The following WDR53 variants were observed in gnomAD, a reference collection of about 807,000 sequenced individuals.
The protein encoded by WDR53 is WD repeat domain 53, also known as WD repeat-containing protein 53.
WDR53 carries 19 observed loss-of-function variants against 21.3 expected under a neutral mutation model. The observed-to-expected ratio is 0.89, with a 90% CI of 0.62 to 1.31. The LOEUF (loss-of-function observed/expected upper bound fraction) is 1.31. Ranked by LOEUF, WDR53 falls within the 50% of genes most tolerant of loss-of-function variation. The probability of loss-of-function intolerance (pLI) is 0.00; values close to 1 mark genes in which losing one functional copy is unlikely to be tolerated. For synonymous variants in WDR53, 157 were observed against 163.4 expected, an observed-to-expected ratio of 0.96 and a Z score of 0.30; for missense variants, 374 against 423.2, an observed-to-expected ratio of 0.88 and a Z score of 1.02.
intron 2 of WDR53, among the ~76,000 whole-genome samples, chr3:196,563,472 G>C (rs978361686): frequency 6.6e-6 from 1 of 152,138 alleles, no homozygotes; most frequent in African/African-American, 2.4e-5. Context: ...GAGCTGTTGT[G>C]CTATTTTCAG....
In WDR53 at chr3:196,561,422, T is replaced by C; in HGVS notation, c.54A>G (p.Ala18=). 6.2e-7 allele frequency: 1 copy of C among 1,614,056 alleles called. No individual in the cohort carries two copies. The highest frequency in any genetic ancestry group is 8.5e-7 in the Non-Finnish European group (1 of 1,180,006). Residue 18 remains alanine (A), a synonymous_variant, in exon 3 of 4, where the codon GCA becomes GCG. Transcript: ENST00000332629. ...GHSSPVLCLN[A]SKEGLLASGA... ...CAGAAGCCAGCAGCCCTTCTTTACT[T>C]GCATTCAGGCAGAGGACAGGAGAAG...
intron 2 of WDR53, among the ~76,000 whole-genome samples, chr3:196,562,516 C>T (rs7621684): frequency 0.4 from 60,391 of 151,842 alleles, 12,500 homozygotes; most frequent in Middle Eastern, 0.5. Context: ...CCCACCTTGG[C>T]CTCCCAAAGT....
Position 196,560,982 on chromosome 3 carries a change from T to C in WDR53, c.480+14A>G. On this transcript the variant is annotated intron_variant, in intron 3 of 3. Transcript: ENST00000332629. ...ACTTAGAAATTCCCCAAGTACTCTGTGCAAAAGCATCACCTGCATATCCAG... is the reference window on the plus strand; with the variant it reads ...ACTTAGAAATTCCCCAAGTACTCTGCGCAAAAGCATCACCTGCATATCCAG... The C allele has an allele frequency of 6.2e-7, 1 of 1,602,656 alleles. No individual in the cohort carries two copies. Among genetic ancestry groups the C allele is most frequent in the Non-Finnish European group, 8.5e-7 (1 of 1,174,234 alleles).
At chr3:196,563,305 G>A (rs1176927628) in intron 2 of WDR53, among the ~76,000 whole-genome samples, 1 of 152,132 alleles carries the variant, frequency 6.6e-6, no homozygotes, top group African/African-American at 2.4e-5. Flanking sequence ...ATACCGGCCT[G>A]CCGTGCCCGC....
At chr3:196,560,947 A>G (rs775864276) in intron 3 of WDR53, 49 bp downstream of exon 3, 4 of 1,552,066 alleles carry the variant, frequency 2.6e-6, no homozygotes, top group Non-Finnish European at 3.5e-6. Context: ...TGATCCTGTT[A>G]GCAAATCCCA....
At chr3:196,564,494 G>T (rs751098927) in intron 2 of WDR53, among the ~76,000 whole-genome samples, 1 of 150,206 alleles carries the variant, frequency 6.7e-6, no homozygotes, top group Non-Finnish European at 1.5e-5. Context: ...TGAGTAGCTG[G>T]AACTACAGGC....
In WDR53 at chr3:196,561,196, C is replaced by T; in HGVS notation, c.280G>A (p.Glu94Lys). 4 of 1,614,224 alleles carry T rather than the reference C, an allele frequency of 2.5e-6. No individual in the cohort carries two copies. Among genetic ancestry groups the T allele is most frequent in the Non-Finnish European group, 3.4e-6 (4 of 1,180,042 alleles). ...AATGAAAGACAATTGATTTCTTCTT[C>T]ATTCACATGAAAATGGTCCAAGGAA... ...KDSLDHFHVN[E>K]EEINCLSLNQ... Residue 94 changes from glutamate (E) to lysine (K), a missense_variant, in exon 3 of 4, where the codon GAA becomes AAA. Glu to Lys is a moderately conservative substitution (Grantham distance 56). Coordinates refer to ENST00000332629, the MANE Select transcript of WDR53 (RefSeq NM_182627.3).
chr3:196,558,177 T>C (rs1734512017), intron 3 of WDR53, among the ~76,000 whole-genome samples: 1 of 152,082 alleles, frequency 6.6e-6, no homozygotes, highest in African/African-American at 2.4e-5. Context: ...CACTTTGCTT[T>C]TAGGGTCCCT....
chr3:196,555,933 GACTA>G (rs1280910920), intron 3 of WDR53, among the ~76,000 whole-genome samples: 1 of 152,018 alleles, frequency 6.6e-6, no homozygotes, highest in African/African-American at 2.4e-5. Context: ...TATACTATGT[GACTA>G]ACAATCACTG....
At position 196,561,271 on chromosome 3, in the gene WDR53, C is replaced by T. The variant is rs1047153624; in HGVS notation, c.205G>A (p.Ala69Thr). Residue 69 changes from alanine to threonine, a missense_variant, in exon 3 of 4, where the codon GCC (alanine) becomes ACC (threonine). Coordinates refer to ENST00000332629, the MANE Select transcript of WDR53 (RefSeq NM_182627.3). ...FSPSCPTKLYASHGETISVLD... is the reference protein window; with the variant it reads ...FSPSCPTKLYTSHGETISVLD... ...ACACTAATGGTTTCTCCATGTGAGGCATAGAGCTTGGTGGGACAGGAGGGA... is the reference window on the plus strand; with the variant it reads ...ACACTAATGGTTTCTCCATGTGAGGTATAGAGCTTGGTGGGACAGGAGGGA... 2.5e-6 allele frequency: 4 copies of T among 1,614,200 alleles called. No individual in the cohort carries two copies. Among genetic ancestry groups the T allele is most frequent in the Non-Finnish European group, 3.4e-6 (4 of 1,180,036 alleles).
intron 1 of WDR53, 79 bp from the exon 2 acceptor site, chr3:196,567,386 A>C: frequency 2.7e-6 from 1 of 370,456 alleles, no homozygotes; most frequent in Admixed American, 3.5e-5. Context: ...AATAATAATC[A>C]AACACCATGA....
At chr3:196,560,931 A>G (rs1734773306) in intron 3 of WDR53, 65 bp downstream of exon 3, 3 of 1,537,612 alleles carry the variant, frequency 2.0e-6, no homozygotes, top group Non-Finnish European at 2.6e-6. Context: ...CGTGTGATCA[A>G]TAATTTGATC....
chr3:196,557,848 G>A (rs1024190291), intron 3 of WDR53, among the ~76,000 whole-genome samples: 1 of 150,728 alleles, frequency 6.6e-6, no homozygotes, highest in Non-Finnish European at 1.5e-5. Flanking sequence ...CACAATCTTG[G>A]CTCACTGCAA....
intron 2 of WDR53, among the ~76,000 whole-genome samples, chr3:196,566,160 G>A (rs1735374459): frequency 6.6e-6 from 1 of 151,818 alleles, no homozygotes; most frequent in Admixed American, 6.6e-5. Context: ...CCCAATCTCT[G>A]CTCACTGCAA....
At chr3:196,560,488 C>T (rs974177597) in intron 3 of WDR53, among the ~76,000 whole-genome samples, 2 of 152,210 alleles carry the variant, frequency 1.3e-5, no homozygotes, top group African/African-American at 4.8e-5. Context: ...CTGCCCACCT[C>T]GGCCTTCCAA....
intron 2 of WDR53, among the ~76,000 whole-genome samples, chr3:196,561,929 A>T (rs1440365117): frequency 2.6e-5 from 4 of 152,342 alleles, no homozygotes; most frequent in African/African-American, 9.6e-5. Flanking sequence ...TGGGCAAATT[A>T]CTGAACCTGT....
In WDR53 at chr3:196,554,455, T is replaced by C. The variant is rs144632277; in HGVS notation, c.833A>G (p.Gln278Arg). 46 of 1,614,194 alleles carry C rather than the reference T, an allele frequency of 2.8e-5. No homozygotes were observed. In the African/African-American group the frequency reaches 4.0e-4, roughly 14 times the overall value. The change falls in exon 4 of 4, where the codon CAG (glutamine) becomes CGG (arginine). Residue 278 changes from glutamine to arginine, a missense_variant. Physicochemically the swap from Gln to Arg is conservative, Grantham distance 43. Coordinates refer to ENST00000332629, the MANE Select transcript of WDR53 (RefSeq NM_182627.3). ...WDANSEVEKK[Q>R]KSPTKRTHRK... ...GTGGGTACGTTTTGTGGGACTCTTCTGTTTTTTCTCAACTTCACTGTTTGC... is the reference window on the plus strand; with the variant it reads ...GTGGGTACGTTTTGTGGGACTCTTCCGTTTTTTCTCAACTTCACTGTTTGC...
chr3:196,565,554 G>A (rs926005966), intron 2 of WDR53, among the ~76,000 whole-genome samples: 4 of 149,646 alleles, frequency 2.7e-5, no homozygotes, highest in Admixed American at 6.6e-5. Flanking sequence ...GGTGAGAGTC[G>A]GGGTGAGGGG....
chr3:196,564,101 T>C (rs1006739627), intron 2 of WDR53, among the ~76,000 whole-genome samples: 25 of 151,972 alleles, frequency 1.6e-4, no homozygotes, highest in African/African-American at 5.6e-4. Context: ...AAGGAGAGAA[T>C]TGGAGAGGAA....
Sources: allele counts gnomAD v4.1 joint callset (sites outside exome capture counted in the v4.1 genomes callset), GRCh38; gene constraint gnomAD v4.1.1; transcripts MANE v1.5; gene names NCBI Gene and HGNC (gene_info 2026-07-23, HGNC 2026-07-21).